The following LMX1A variants were observed in gnomAD, a reference collection of about 807,000 sequenced individuals.
LMX1A encodes the protein LIM homeobox transcription factor 1 alpha.
LMX1A carries 15 observed loss-of-function variants against 49.1 expected under a neutral mutation model. The ratio of observed to expected loss-of-function variants is 0.31; its 90% CI spans 0.20 to 0.47. The LOEUF (loss-of-function observed/expected upper bound fraction) is 0.47. Ranked by LOEUF, LMX1A falls within the 20% of genes least tolerant of loss-of-function variation. The pLI, the probability that LMX1A is intolerant of heterozygous loss-of-function variation, is 1.00. For missense variants in LMX1A, 372 were observed against 475.8 expected, an observed-to-expected ratio of 0.78 and a Z score of 2.03; for synonymous variants, 167 against 185.7, an observed-to-expected ratio of 0.90 and a Z score of 0.82.
rs943919648 is a variant in LMX1A at position 165,355,572 on chromosome 1, C to T, written c.-13G>A. 4.3e-6 allele frequency: 7 copies of T among 1,612,772 alleles called. No individual in the cohort carries two copies. In the African/African-American group the frequency reaches 9.3e-5, roughly 22 times the overall value. On this transcript the variant is annotated 5_prime_UTR_variant, in exon 2 of 9. Coordinates refer to ENST00000342310, the MANE Select transcript of LMX1A (RefSeq NM_177398.4). This position sits in a 1 kb window ranked among gnomAD's most constrained non-coding sequence, Gnocchi z 4.7. Reference sequence around the variant, plus strand: ...GGCCGTCCAGCATGTTCGGGCCGGGCCGGGAGGACCTGTAGAGGAGAAGAA... The same window carrying T: ...GGCCGTCCAGCATGTTCGGGCCGGGTCGGGAGGACCTGTAGAGGAGAAGAA...
intron 3 of LMX1A, among the ~76,000 whole-genome samples, chr1:165,298,284 T>C (rs1451731514): frequency 1.3e-5 from 2 of 152,346 alleles, no homozygotes; most frequent in South Asian, 2.1e-4. Flanking sequence ...CCTCCATCAC[T>C]TGAAGGCTGA....
chr1:165,334,677 T>C (rs145533818), intron 3 of LMX1A, among the ~76,000 whole-genome samples: 65 of 152,368 alleles, frequency 4.3e-4, no homozygotes, highest in Admixed American at 1.3e-3. Flanking sequence ...ATGCTGATGT[T>C]GTCCTGACCA....
At chr1:165,229,143 A>G (rs1652153377) in intron 4 of LMX1A, among the ~76,000 whole-genome samples, 1 of 152,016 alleles carries the variant, frequency 6.6e-6, no homozygotes, top group African/African-American at 2.4e-5. Flanking sequence ...AAATGTGGCC[A>G]TTTAAACTTT....
At chr1:165,263,262 T>C (rs141749650) in intron 3 of LMX1A, among the ~76,000 whole-genome samples, 1 of 152,314 alleles carries the variant, frequency 6.6e-6, no homozygotes, top group East Asian at 1.9e-4. Context: ...CTACTCAACA[T>C]CTTCACTTGG....
At position 165,353,252 on chromosome 1, in the gene LMX1A, C is replaced by T; in HGVS notation, c.87G>A (p.Val29=). 6.2e-7 allele frequency: 1 copy of T among 1,611,078 alleles called. No individual in the cohort carries two copies. The highest frequency in any genetic ancestry group is 8.5e-7 in the Non-Finnish European group (1 of 1,179,868). The stretch of plus-strand genomic sequence containing the variant: ...AGCCCTCGCAGACAGACTTGGGGCT[C>T]ACCGCTCTGCCTGTAGCCACAACAG... ...ASFSSLLGRA[V]SPKSVCEGCQ... is the part of the protein sequence containing the mutation. Residue 29 remains valine (V), a synonymous_variant, in exon 3 of 9, where the codon GTG becomes GTA. Coordinates refer to ENST00000342310, the MANE Select transcript of LMX1A (RefSeq NM_177398.4).
At chr1:165,330,017 C>T (rs940640393) in intron 3 of LMX1A, among the ~76,000 whole-genome samples, 1 of 152,202 alleles carries the variant, frequency 6.6e-6, no homozygotes, top group Non-Finnish European at 1.5e-5. Flanking sequence ...CAACAACTGA[C>T]ATGGGGCAAT....
At position 165,306,445 on chromosome 1, in the gene LMX1A, G is replaced by A. The variant is rs765411568; in HGVS notation, c.263+46631C>T. 3.2e-4 allele frequency among the ~76,000 whole-genome samples: 48 copies of A among 152,268 alleles called. 1 individual carries two copies. The highest frequency in any genetic ancestry group is 2.9e-3 in the South Asian group (14 of 4,824). On this transcript the variant is annotated intron_variant, in intron 3 of 8. Transcript: ENST00000342310. ...GAATGTGGAACAATACCTGGACCCC[G>A]CCTGAAGCCTGGGTAAGTCCAGGTG...
intron 2 of LMX1A, 96 bp from the exon 3 acceptor site, chr1:165,353,358 G>C: frequency 2.1e-6 from 2 of 966,534 alleles, no homozygotes; most frequent in Non-Finnish European, 3.0e-6. Flanking sequence ...CACATCCACG[G>C]ATTCCCCCAG....
At chr1:165,215,075 TG>T (rs1196011159) in intron 4 of LMX1A, among the ~76,000 whole-genome samples, 1 of 152,140 alleles carries the variant, frequency 6.6e-6, no homozygotes, top group Non-Finnish European at 1.5e-5. Flanking sequence ...CCTAGCACTT[TG>T]GGAGGCCAGG....
At chr1:165,220,471 G>A (rs578259506) in intron 4 of LMX1A, among the ~76,000 whole-genome samples, 14 of 152,262 alleles carry the variant, frequency 9.2e-5, no homozygotes, top group African/African-American at 3.4e-4. Flanking sequence ...GCCACAGGCA[G>A]CCTTTCATGG....
chr1:165,229,763 C>T (rs1652175768), intron 4 of LMX1A, among the ~76,000 whole-genome samples: 1 of 152,010 alleles, frequency 6.6e-6, no homozygotes, highest in Non-Finnish European at 1.5e-5. Flanking sequence ...TTCTGTCTCT[C>T]AGGGATATCT....
intron 2 of LMX1A, among the ~76,000 whole-genome samples, chr1:165,354,210 C>T (rs1009482972): frequency 6.6e-6 from 1 of 152,174 alleles, no homozygotes; most frequent in African/African-American, 2.4e-5. Context: ...CACTCTTGCG[C>T]TCCCCATTTC....
At chr1:165,225,481 CTT>C (rs763739007) in intron 4 of LMX1A, among the ~76,000 whole-genome samples, 24 of 152,172 alleles carry the variant, frequency 1.6e-4, no homozygotes, top group Non-Finnish European at 3.2e-4. Flanking sequence ...ATCACAAACA[CTT>C]TGTGTAATTA....
At chr1:165,292,844 C>T (rs991015079) in intron 3 of LMX1A, among the ~76,000 whole-genome samples, 10 of 152,076 alleles carry the variant, frequency 6.6e-5, no homozygotes, top group African/African-American at 2.2e-4. Flanking sequence ...GGGGTCCAGG[C>T]GCGGTGGCTC....
At chr1:165,269,045 T>A (rs1313792905) in intron 3 of LMX1A, among the ~76,000 whole-genome samples, 3 of 152,168 alleles carry the variant, frequency 2.0e-5, no homozygotes, top group Non-Finnish European at 4.4e-5. Context: ...CTCCAAAGGC[T>A]CACCAAGAGC....
chr1:165,343,231 C>T (rs1436035717), intron 3 of LMX1A, among the ~76,000 whole-genome samples: 1 of 152,042 alleles, frequency 6.6e-6, no homozygotes, highest in Non-Finnish European at 1.5e-5. Flanking sequence ...GAAATGGGCA[C>T]AGAACAAGTA....
intron 3 of LMX1A, among the ~76,000 whole-genome samples, chr1:165,285,836 T>C (rs1298290198): frequency 6.6e-6 from 1 of 152,150 alleles, no homozygotes; most frequent in East Asian, 1.9e-4. Flanking sequence ...TGGGTATGGA[T>C]TTAGGGAGGA....
chr1:165,223,560 A>G (rs952139050), intron 4 of LMX1A, among the ~76,000 whole-genome samples: 4 of 152,230 alleles, frequency 2.6e-5, no homozygotes, highest in Admixed American at 1.3e-4. Context: ...CAGGAGTGAG[A>G]AAGGCTTCTT....
chr1:165,270,017 G>A (rs1571192094), intron 3 of LMX1A, among the ~76,000 whole-genome samples: 1 of 151,930 alleles, frequency 6.6e-6, no homozygotes, highest in Non-Finnish European at 1.5e-5. Context: ...TAACAAACCT[G>A]CAAATCCTGC....
Sources: gnomAD v4.1 joint callset for allele counts (sites outside exome capture counted in the v4.1 genomes callset) on GRCh38, gnomAD v4.1.1 for gene constraint, Gnocchi (gnomAD v3.1) non-coding constraint, MANE v1.5 for transcripts, NCBI Gene and HGNC (gene_info 2026-07-23, HGNC 2026-07-21) for gene names.